Variants in WWOX observed in about 807,000 individuals in gnomAD.
WWOX encodes the protein WW domain-containing oxidoreductase.
In WWOX, 69 loss-of-function variants were observed where a neutral mutation model predicts 46.2. The observed-to-expected ratio is 1.49, with a 90% CI of 1.23 to 1.82. WWOX has a LOEUF of 1.82. WWOX is among the 40% of genes most tolerant of loss of function. The pLI is 0.00. For synonymous variants in WWOX, 359 were observed against 202.6 expected, an observed-to-expected ratio of 1.77 and a Z score of -6.56; for missense variants, 919 against 542.6, an observed-to-expected ratio of 1.69 and a Z score of -6.89.
At chr16:78,853,920 G>A (rs2052509271) in intron 8 of WWOX, among the ~76,000 whole-genome samples, 1 of 152,094 alleles carries the variant, frequency 6.6e-6, no homozygotes, top group African/African-American at 2.4e-5. Flanking sequence ...TAAAATACTT[G>A]TAGTATCATG....
At chr16:78,631,079 G>T (rs997154225) in intron 8 of WWOX, among the ~76,000 whole-genome samples, 1 of 152,104 alleles carries the variant, frequency 6.6e-6, no homozygotes, top group African/African-American at 2.4e-5. Flanking sequence ...ATGATTTAAA[G>T]TGTACAGGAG....
chr16:78,751,853 T>G (rs530286275), intron 8 of WWOX, among the ~76,000 whole-genome samples: 1 of 151,578 alleles, frequency 6.6e-6, no homozygotes, highest in Non-Finnish European at 1.5e-5. Context: ...GGAGGGAAGG[T>G]AAGAAAGAAA....
intron 8 of WWOX, among the ~76,000 whole-genome samples, chr16:78,744,356 G>T (rs560491744): frequency 2.0e-5 from 3 of 150,546 alleles, no homozygotes; most frequent in Non-Finnish European, 4.4e-5. Flanking sequence ...TATAGTGACT[G>T]CATGATCATT....
chr16:78,730,095 C>G (rs1019428701), intron 8 of WWOX, among the ~76,000 whole-genome samples: 1 of 152,126 alleles, frequency 6.6e-6, no homozygotes, highest in South Asian at 2.1e-4. Context: ...TGGTGTTTTA[C>G]TCCTTGCTAT....
intron 8 of WWOX, among the ~76,000 whole-genome samples, chr16:79,167,234 G>A (rs905664627): frequency 9.2e-5 from 14 of 152,212 alleles, no homozygotes; most frequent in Non-Finnish European, 2.1e-4. Flanking sequence ...GAACCACCAT[G>A]CCCGGCCATC....
At chr16:78,474,837 G>C (rs898652064) in intron 8 of WWOX, among the ~76,000 whole-genome samples, 1 of 152,080 alleles carries the variant, frequency 6.6e-6, no homozygotes, top group East Asian at 1.9e-4. Flanking sequence ...CACGATATGT[G>C]GTTCTTTGTG....
intron 8 of WWOX, among the ~76,000 whole-genome samples, chr16:78,626,747 C>G (rs1169790140): frequency 6.6e-6 from 1 of 152,174 alleles, no homozygotes; most frequent in Non-Finnish European, 1.5e-5. Context: ...TCTGCATAAA[C>G]TACTTGGAAT....
chr16:79,146,362 C>G (rs11859942), intron 8 of WWOX, among the ~76,000 whole-genome samples: 47,240 of 151,966 alleles, frequency 0.31, 7,646 homozygotes, highest in East Asian at 0.44. Context: ...TTTCCCATCT[C>G]TGAGGCTTCT....
chr16:78,833,336 A>T (rs73577472), intron 8 of WWOX, among the ~76,000 whole-genome samples: 35,267 of 151,820 alleles, frequency 0.23, 4,325 homozygotes, highest in Middle Eastern at 0.35. Flanking sequence ...CTCTTTCTTT[A>T]TACCAGTCCT....
At chr16:78,277,184 A>G (rs570877512) in intron 5 of WWOX, among the ~76,000 whole-genome samples, 1 of 152,296 alleles carries the variant, frequency 6.6e-6, no homozygotes, top group Non-Finnish European at 1.5e-5. Flanking sequence ...TGAAGTAGCA[A>G]TTTGAAAGGG....
chr16:78,677,692 G>C (rs890202667), intron 8 of WWOX, among the ~76,000 whole-genome samples: 2 of 152,144 alleles, frequency 1.3e-5, no homozygotes, highest in African/African-American at 4.8e-5. Flanking sequence ...CTTATCTCTT[G>C]TGATGAACTC....
At chr16:79,110,150 G>A (rs2049389765) in intron 8 of WWOX, among the ~76,000 whole-genome samples, 1 of 152,094 alleles carries the variant, frequency 6.6e-6, no homozygotes, top group South Asian at 2.1e-4. Flanking sequence ...CTGTTTGGGG[G>A]CTCTCTTTCA....
At chr16:79,187,751 A>G (rs2005477) in intron 8 of WWOX, among the ~76,000 whole-genome samples, 114 of 152,336 alleles carry the variant, frequency 7.5e-4, no homozygotes, top group African/African-American at 2.7e-3. Context: ...TATGTTGGCC[A>G]GGCTGGTCTC....
intron 8 of WWOX, among the ~76,000 whole-genome samples, chr16:78,706,915 G>T (rs887767744): frequency 6.6e-6 from 1 of 152,070 alleles, no homozygotes; most frequent in Non-Finnish European, 1.5e-5. Flanking sequence ...TTCCCGCCTC[G>T]GCCTCCCAAA....
intron 8 of WWOX, among the ~76,000 whole-genome samples, chr16:78,863,132 A>G (rs749690125): frequency 5.9e-5 from 9 of 151,828 alleles, no homozygotes; most frequent in Non-Finnish European, 1.0e-4. Flanking sequence ...TAATTTTTGT[A>G]TTTTTAATAG....
At chr16:79,117,677 C>T (rs902225794) in intron 8 of WWOX, among the ~76,000 whole-genome samples, 1 of 152,224 alleles carries the variant, frequency 6.6e-6, no homozygotes, top group African/African-American at 2.4e-5. Context: ...CCTTAGTGGT[C>T]TTATCTAGAT....
At chr16:78,128,686 A>G (rs994046545) in intron 4 of WWOX, among the ~76,000 whole-genome samples, 22 of 152,210 alleles carry the variant, frequency 1.4e-4, no homozygotes, top group Non-Finnish European at 2.2e-4. Context: ...AAAAGAATGA[A>G]AATAATCAAT....
At chr16:79,005,681 A>C (rs2047176606) in intron 8 of WWOX, among the ~76,000 whole-genome samples, 1 of 152,098 alleles carries the variant, frequency 6.6e-6, no homozygotes, top group Non-Finnish European at 1.5e-5. Flanking sequence ...TCTTATAAGG[A>C]CACCAGTCCT....
chr16:78,963,409 C>T (rs915012215), intron 8 of WWOX, among the ~76,000 whole-genome samples: 22 of 152,118 alleles, frequency 1.4e-4, no homozygotes, highest in African/African-American at 4.1e-4. Context: ...ATTGAAGCTG[C>T]AGTGAACTGT....
Sources: allele counts gnomAD v4.1 joint callset (sites outside exome capture counted in the v4.1 genomes callset), GRCh38; gene constraint gnomAD v4.1.1; transcripts MANE v1.5; gene names NCBI Gene and HGNC (gene_info 2026-07-23, HGNC 2026-07-21).